Variants in MARS1 observed in about 807,000 individuals in gnomAD.
MARS1 encodes methionine--tRNA ligase, cytoplasmic.
A neutral mutation model predicts 119.5 loss-of-function variants in MARS1; 80 were observed. That is an observed-to-expected ratio of 0.67 (90% CI 0.56 to 0.81). The LOEUF (loss-of-function observed/expected upper bound fraction) is 0.81. Among genes scored for constraint, MARS1 ranks in the 30% least tolerant of loss-of-function variants. The pLI is 0.00. For missense variants in MARS1, 945 were observed against 1,116.5 expected, an observed-to-expected ratio of 0.85 and a Z score of 2.19; for synonymous variants, 418 against 433.4, an observed-to-expected ratio of 0.96 and a Z score of 0.44.
intron 10 of MARS1, 104 bp from the exon 11 acceptor site, chr12:57,504,121 C>T: frequency 1.3e-6 from 1 of 777,656 alleles, no homozygotes. Flanking sequence ...TGAAGCTAAA[C>T]TAGATGGCAG....
intron 11 of MARS1, among the ~76,000 whole-genome samples, chr12:57,511,140 A>G (rs115111847): frequency 5.8e-5 from 3 of 51,602 alleles, no homozygotes; most frequent in African/African-American, 1.4e-4. Context: ...ATTTTTAAAA[A>G]TTAAAAAAAA....
Position 57,508,698 on chromosome 12 carries a change from GAGGTAGA to G in MARS1, c.1369-2999_1369-2993del, listed in dbSNP as rs1476401075. Among the ~76,000 whole-genome samples, 12 of 24,272 alleles carry G rather than the reference GAGGTAGA, an allele frequency of 4.9e-4. No individual in the cohort carries two copies. The East Asian group carries it at 9.8e-3, about 20-fold the overall frequency. The allele number at this position is 24,272 out of a possible 152,430, so 15.9% of individuals were successfully genotyped here. ...GTGGGGAGAGGTAGAGGTAGAGGTA[GAGGTAGA>G]GGGTAGAGGGTAGAGGGAGAGCATT... On this transcript the variant is annotated intron_variant, in intron 11 of 20. Coordinates refer to ENST00000262027, the MANE Select transcript of MARS1 (RefSeq NM_004990.4).
At position 57,489,062 on chromosome 12, in the gene MARS1, G is replaced by A. The variant is rs528699967; in HGVS notation, c.153G>A (p.Leu51=). Reference sequence around the variant, plus strand: ...TGACCCGGCCTAAGGTCCCTGTCTTGCAGCTGGATAGCGGCAACTACCTCT... The same window carrying A: ...TGACCCGGCCTAAGGTCCCTGTCTTACAGCTGGATAGCGGCAACTACCTCT... The part of the protein sequence containing the change: ...PFLTRPKVPV[L]QLDSGNYLFS... Residue 51 remains leucine, a synonymous_variant, in exon 2 of 21, where the codon TTG becomes TTA. Transcript: ENST00000262027. The A allele has an allele frequency of 1.2e-6, 2 of 1,613,568 alleles. No individual in the cohort carries two copies. Among genetic ancestry groups the A allele is most frequent in the South Asian group, 2.2e-5 (2 of 91,080 alleles).
chr12:57,500,418 G>A lies in MARS1; in HGVS notation c.1189G>A (p.Ala397Thr), dbSNP rs1594821331. The change falls in exon 10 of 21, where the codon GCT becomes ACT. Residue 397 changes from alanine (A) to threonine (T), a missense_variant. Physicochemically the swap from Ala to Thr is moderately conservative, Grantham distance 58 (BLOSUM62 0). Coordinates refer to ENST00000262027, the MANE Select transcript of MARS1 (RefSeq NM_004990.4). ...ATGTGAGCACTGTGCTCGCTTCCTG[G>A]CTGACCGCTTCGTGGAGGGCGTGTG... ...LRCEHCARFL[A>T]DRFVEGVCPF... is the part of the protein sequence containing the mutation. The A allele has an allele frequency of 1.2e-5, 20 of 1,614,096 alleles. No homozygotes were observed. Among genetic ancestry groups the A allele is most frequent in the Non-Finnish European group, 1.5e-5 (18 of 1,180,024 alleles).
chr12:57,493,577 T>C (rs1876239853), intron 7 of MARS1, among the ~76,000 whole-genome samples: 2 of 15,518 alleles, frequency 1.3e-4, no homozygotes, highest in Non-Finnish European at 9.6e-5. Context: ...TTATAATATA[T>C]AATATATAAT....
intron 6 of MARS1, 24 bp downstream of exon 6, chr12:57,490,403 G>A (rs1208941710): frequency 1.2e-6 from 2 of 1,611,504 alleles, no homozygotes; most frequent in East Asian, 2.2e-5. Context: ...CAGAGCCTTG[G>A]GGCCTGAGGT....
chr12:57,498,089 G>A, intron 7 of MARS1, 68 bp from the exon 8 acceptor site: 1 of 951,372 alleles, frequency 1.1e-6, no homozygotes, highest in Non-Finnish European at 1.7e-6. Context: ...CGGGTGTTCT[G>A]TGCACTTTTC....
chr12:57,508,388 C>T (rs546425020), intron 11 of MARS1, among the ~76,000 whole-genome samples: 2 of 152,270 alleles, frequency 1.3e-5, no homozygotes, highest in African/African-American at 2.4e-5. Flanking sequence ...ACTGAGTGAA[C>T]GAGACTCCGT....
At chr12:57,516,046 C>T (rs1422880222) in intron 19 of MARS1, 55 bp downstream of exon 19, 12 of 1,557,468 alleles carry the variant, frequency 7.7e-6, no homozygotes, top group African/African-American at 2.7e-5. Flanking sequence ...CATCACTTCC[C>T]TAATTTCCCT....
At position 57,489,959 on chromosome 12, in the gene MARS1, G is replaced by C. The variant is rs764006401; in HGVS notation, c.478G>C (p.Ala160Pro). ...CCTATACCCATTACTGCAAGATCCC[G>C]CCTACCTCCCTGGTGAGAACTGTGC... ...GALYPLLQDP[A>P]YLPEELSALH... is the part of the protein sequence containing the mutation. Residue 160 changes from alanine (A) to proline (P), a missense_variant, in exon 5 of 21, where the codon GCC becomes CCC. Transcript: ENST00000262027. The C allele has an allele frequency of 6.2e-7, 1 of 1,613,850 alleles. No homozygotes were observed. The highest frequency in any genetic ancestry group is 1.1e-5 in the South Asian group (1 of 91,086).
intron 13 of MARS1, 40 bp from the exon 14 acceptor site, chr12:57,512,196 A>AG (rs1435412672): frequency 6.2e-7 from 1 of 1,601,724 alleles, no homozygotes. Context: ...GGGCCTTTGA[A>AG]GGAGGTCTCA....
intron 7 of MARS1, among the ~76,000 whole-genome samples, chr12:57,493,583 A>G (rs1347446950): frequency 5.7e-5 from 2 of 34,830 alleles, no homozygotes; most frequent in South Asian, 7.4e-4. Flanking sequence ...TATATAATAT[A>G]TAATATATTA....
At position 57,503,422 on chromosome 12, in the gene MARS1, G is replaced by T. The variant is rs183538415; in HGVS notation, c.1294-803G>T. 4.1e-4 allele frequency among the ~76,000 whole-genome samples: 62 copies of T among 152,016 alleles called. 1 individual carries two copies. The highest frequency in any genetic ancestry group is 1.4e-3 in the African/African-American group (59 of 41,470). On this transcript the variant is annotated intron_variant, in intron 10 of 20. Transcript: ENST00000262027. ...CTAATTTTGTATTTTTAGTAGAGACGAGGTTTCACCATGCTGGCCAGGCTG... is the reference window on the plus strand; with the variant it reads ...CTAATTTTGTATTTTTAGTAGAGACTAGGTTTCACCATGCTGGCCAGGCTG...
chr12:57,516,013 C>T lies in MARS1; in HGVS notation c.2463+22C>T, dbSNP rs772306235. On this transcript the variant is annotated intron_variant, in intron 19 of 20. Transcript: ENST00000262027. ...CCAGGTGAGAAAGCTAAAGGCTGTGCCCTCGCTCCACAACAGCCACAGCAT... is the reference window on the plus strand; with the variant it reads ...CCAGGTGAGAAAGCTAAAGGCTGTGTCCTCGCTCCACAACAGCCACAGCAT... The T allele has an allele frequency of 1.5e-5, 24 of 1,610,390 alleles. No individual in the cohort carries two copies. The South Asian group carries it at 2.6e-4, about 18-fold the overall frequency.
intron 11 of MARS1, among the ~76,000 whole-genome samples, chr12:57,505,304 G>A (rs1325430497): frequency 1.3e-5 from 2 of 151,860 alleles, no homozygotes; most frequent in Non-Finnish European, 2.9e-5. Flanking sequence ...TGGGGTTACA[G>A]GTGCCTGCCA....
rs1350351727 is a variant in MARS1 at position 57,489,459 on chromosome 12, C to T, written c.315C>T (p.Val105=). The stretch of plus-strand genomic sequence containing the variant: ...CTGCTGCCCTGTACTATTTAGTGGT[C>T]CAAGGCAAGAAGGGGGAAGATGTTC... ...ALSAALYYLV[V]QGKKGEDVLG... The change falls in exon 4 of 21, where the codon GTC becomes GTT. Residue 105 remains valine, a synonymous_variant. Transcript: ENST00000262027. The T allele has an allele frequency of 1.9e-6, 3 of 1,614,080 alleles. No homozygotes were observed. Among genetic ancestry groups the T allele is most frequent in the Non-Finnish European group, 2.5e-6 (3 of 1,180,020 alleles).
chr12:57,504,695 ATTTTTTTTTTTT>A (rs34351056), intron 11 of MARS1, among the ~76,000 whole-genome samples: 3 of 83,602 alleles, frequency 3.6e-5, no homozygotes, highest in Admixed American at 3.5e-4. Context: ...TGCCTGACTG[ATTTTTTTTTTTT>A]TTTTTTTTTT....
intron 15 of MARS1, 44 bp from the exon 16 acceptor site, chr12:57,514,676 C>T (rs544092876): frequency 2.5e-6 from 4 of 1,611,270 alleles, no homozygotes; most frequent in Non-Finnish European, 3.4e-6. Flanking sequence ...GGGATAATAA[C>T]TTCCCCTCTT....
chr12:57,502,660 T>G (rs1478342261), intron 10 of MARS1, among the ~76,000 whole-genome samples: 1 of 136,994 alleles, frequency 7.3e-6, no homozygotes, highest in Non-Finnish European at 1.5e-5. Context: ...GAGCTGAGAT[T>G]ACGCTACTGC....
Sources: allele counts gnomAD v4.1 joint callset (sites outside exome capture counted in the v4.1 genomes callset), GRCh38; gene constraint gnomAD v4.1.1; transcripts MANE v1.5; gene names NCBI Gene and HGNC (gene_info 2026-07-23, HGNC 2026-07-21).